The following PCCA variants were observed in gnomAD, a reference collection of about 807,000 sequenced individuals.
PCCA encodes the protein propionyl-CoA carboxylase alpha chain, mitochondrial.
PCCA carries 74 observed loss-of-function variants against 101.3 expected under a neutral mutation model. The observed-to-expected ratio is 0.73, with a 90% CI of 0.61 to 0.89. PCCA has a LOEUF of 0.89. Among genes scored for constraint, PCCA ranks in the 40% least tolerant of loss-of-function variants. PCCA has a pLI of 0.00. For missense variants in PCCA, 891 were observed against 907.0 expected (o/e 0.98, Z 0.23); for synonymous variants, 294 against 313.6 (o/e 0.94, Z 0.66).
intron 8 of PCCA, among the ~76,000 whole-genome samples, chr13:100,251,335 A>G (rs924869268): frequency 6.6e-6 from 1 of 152,212 alleles, no homozygotes; most frequent in African/African-American, 2.4e-5. Context: ...TACAGTCTGA[A>G]TGTTCATTCA....
At chr13:100,315,651 G>T (rs1441474452) in intron 16 of PCCA, among the ~76,000 whole-genome samples, 2 of 152,090 alleles carry the variant, frequency 1.3e-5, no homozygotes, top group Middle Eastern at 3.2e-3. Flanking sequence ...TTTGATCCTG[G>T]CAGCATGTCT....
At chr13:100,289,536 A>C (rs2064968628) in intron 12 of PCCA, among the ~76,000 whole-genome samples, 1 of 151,538 alleles carries the variant, frequency 6.6e-6, no homozygotes, top group South Asian at 2.1e-4. Flanking sequence ...GATTTTATTT[A>C]TTTTATCTTA....
intron 21 of PCCA, among the ~76,000 whole-genome samples, chr13:100,499,371 T>G (rs1042173014): frequency 6.6e-6 from 1 of 152,218 alleles, no homozygotes; most frequent in Non-Finnish European, 1.5e-5. Flanking sequence ...TGTAAGAGAT[T>G]AGTGAAATAT....
At chr13:100,249,153 T>C (rs2061616753) in intron 8 of PCCA, among the ~76,000 whole-genome samples, 1 of 152,210 alleles carries the variant, frequency 6.6e-6, no homozygotes, top group South Asian at 2.1e-4. Context: ...TTTGGTGTTA[T>C]ATGTAAAAAC....
intron 21 of PCCA, among the ~76,000 whole-genome samples, chr13:100,474,647 G>A (rs2083285400): frequency 6.6e-6 from 1 of 151,990 alleles, no homozygotes; most frequent in Non-Finnish European, 1.5e-5. Flanking sequence ...CACCATGCCT[G>A]GTTAATTTTT....
chr13:100,368,479 G>A lies in PCCA; in HGVS notation c.1651G>A (p.Val551Ile), dbSNP rs61749895. ...QHFQENSRMP[V>I]IKPDIANWEL... ...CTTTTCATTCTACTTCAGAATGCCT[G>A]TTATTAAACCAGACATAGCCAACTG... Residue 551 changes from valine to isoleucine, a missense_variant, in exon 19 of 24, where the codon GTT becomes ATT. Physicochemically the swap from Val to Ile is conservative, Grantham distance 29. Coordinates refer to ENST00000376285, the MANE Select transcript of PCCA (RefSeq NM_000282.4). The A allele has an allele frequency of 6.4e-6, 10 of 1,565,968 alleles. No homozygotes were observed. In the East Asian group the frequency reaches 1.8e-4, roughly 28 times the overall value.
chr13:100,254,852 C>T (rs1458733205), intron 8 of PCCA, among the ~76,000 whole-genome samples: 4 of 151,398 alleles, frequency 2.6e-5, no homozygotes. Context: ...GAGGCCAAAG[C>T]GGGAGGATTG....
chr13:100,373,829 T>C (rs1379721764), intron 19 of PCCA, among the ~76,000 whole-genome samples: 2 of 152,136 alleles, frequency 1.3e-5, no homozygotes, highest in Admixed American at 6.6e-5. Context: ...AGGAGGGTTG[T>C]GGCCAGGTGC....
intron 1 of PCCA, among the ~76,000 whole-genome samples, chr13:100,090,733 T>C (rs985738201): frequency 6.6e-6 from 1 of 152,228 alleles, no homozygotes; most frequent in Non-Finnish European, 1.5e-5. Context: ...TTCTAGATAC[T>C]GTTCTGTTGC....
Position 100,273,959 on chromosome 13 carries a change from T to C in PCCA, c.1065+613T>C, listed in dbSNP as rs373456717. 9.8e-4 allele frequency among the ~76,000 whole-genome samples: 150 copies of C among 152,340 alleles called. 4 individuals carry two copies. In the South Asian group the frequency reaches 0.028, roughly 29 times the overall value. On this transcript the variant is annotated intron_variant, in intron 12 of 23. Coordinates refer to ENST00000376285, the MANE Select transcript of PCCA (RefSeq NM_000282.4). ...TTTCTTTCATTTAAATTGTGAACTA[T>C]ACAGAAACATACATAGAACACAGGT...
chr13:100,158,705 C>T (rs995631546), intron 6 of PCCA, among the ~76,000 whole-genome samples: 17 of 152,060 alleles, frequency 1.1e-4, no homozygotes, highest in African/African-American at 2.7e-4. Flanking sequence ...GATGAGAGGT[C>T]GGCACACTAC....
chr13:100,229,619 C>T (rs539974209), intron 7 of PCCA, among the ~76,000 whole-genome samples: 26 of 152,228 alleles, frequency 1.7e-4, no homozygotes, highest in East Asian at 9.6e-4. Flanking sequence ...TCTCCTCTGC[C>T]GTTGCCTCTT....
chr13:100,342,944 A>G (rs768985308), intron 18 of PCCA, among the ~76,000 whole-genome samples: 7 of 151,392 alleles, frequency 4.6e-5, no homozygotes, highest in Non-Finnish European at 8.8e-5. Context: ...CTAGTCTCGA[A>G]CTCCTGGGCT....
At chr13:100,295,439 G>C (rs1245879111) in intron 12 of PCCA, among the ~76,000 whole-genome samples, 1 of 152,192 alleles carries the variant, frequency 6.6e-6, no homozygotes, top group African/African-American at 2.4e-5. Context: ...ACAAGTCTTT[G>C]TAATACCTGT....
intron 6 of PCCA, among the ~76,000 whole-genome samples, chr13:100,183,598 G>A (rs1280411698): frequency 1.3e-5 from 2 of 152,160 alleles, no homozygotes; most frequent in Non-Finnish European, 2.9e-5. Flanking sequence ...AGTAGGTCTT[G>A]AAGATAGGTA....
At position 100,243,874 on chromosome 13, in the gene PCCA, C is replaced by A. The variant is rs148316499; in HGVS notation, c.637+7996C>A. ...TTCTCATCTTCCTTTTGGCATAATACAACATTTTTTTAAAAAGTTACTTTT... is the reference window on the plus strand; with the variant it reads ...TTCTCATCTTCCTTTTGGCATAATAAAACATTTTTTTAAAAAGTTACTTTT... On this transcript the variant is annotated intron_variant, in intron 8 of 23. Transcript: ENST00000376285. Among the ~76,000 whole-genome samples the A allele has an allele frequency of 2.6e-5, 4 of 152,258 alleles. No individual in the cohort carries two copies. In the East Asian group the frequency reaches 7.7e-4, roughly 29 times the overall value.
At chr13:100,187,111 T>C (rs1199620901) in intron 6 of PCCA, among the ~76,000 whole-genome samples, 4 of 152,206 alleles carry the variant, frequency 2.6e-5, no homozygotes, top group Non-Finnish European at 1.5e-5. Context: ...TAAATGTAGC[T>C]ATACTGATAC....
chr13:100,291,769 G>A (rs2065143091), intron 12 of PCCA, among the ~76,000 whole-genome samples: 1 of 152,126 alleles, frequency 6.6e-6, no homozygotes. Context: ...AATTTTTATT[G>A]ACTACTTGGA....
At chr13:100,481,551 C>G (rs1412400140) in intron 21 of PCCA, among the ~76,000 whole-genome samples, 1 of 152,076 alleles carries the variant, frequency 6.6e-6, no homozygotes, top group South Asian at 2.1e-4. Context: ...GAGCCAGCCT[C>G]TGTCTCAAAA....
Sources: allele counts gnomAD v4.1 joint callset (sites outside exome capture counted in the v4.1 genomes callset), GRCh38; gene constraint gnomAD v4.1.1; transcripts MANE v1.5; gene names NCBI Gene and HGNC (gene_info 2026-07-23, HGNC 2026-07-21).